The following FAM167A variants were observed in gnomAD, a reference collection of about 807,000 sequenced individuals.
The protein encoded by FAM167A is protein FAM167A.
Under a neutral mutation model 14.9 loss-of-function variants are expected in FAM167A, and 23 were observed. The observed-to-expected ratio is 1.55, with a 90% CI of 1.11 to 2.19. FAM167A has a LOEUF of 2.19. FAM167A is among the 30% of genes most tolerant of loss of function. FAM167A has a pLI of 0.00. For synonymous variants in FAM167A, 174 were observed against 117.7 expected (o/e 1.48, Z -3.10); for missense variants, 401 against 281.5 (o/e 1.42, Z -3.04).
rs552166333 is a variant in FAM167A, at chr8:11,447,489, G to C, written c.-397-2681C>G. 7.2e-5 allele frequency among the ~76,000 whole-genome samples: 11 copies of C among 152,372 alleles called. No homozygotes were observed. The South Asian group carries it at 2.3e-3, about 32-fold the overall frequency. ...CATTAGCCCCTGTGAACTGTGACCA[G>C]CTAGTGATGGTCCTCAGATCTGCTG... On this transcript the variant is annotated intron_variant, in intron 1 of 2. Coordinates refer to ENST00000284486, the MANE Select transcript of FAM167A (RefSeq NM_053279.3).
At chr8:11,446,660 C>A (rs1311849793) in intron 1 of FAM167A, 1 of 152,198 alleles carries the variant, frequency 6.6e-6, no homozygotes, top group African/African-American at 2.4e-5. Context: ...CTCCTATGTT[C>A]TAGCAGATTG....
chr8:11,430,786 C>T (rs114482625), intron 2 of FAM167A, among the ~76,000 whole-genome samples: 2,894 of 152,108 alleles, frequency 0.019, 85 homozygotes, highest in African/African-American at 0.066. Context: ...ACGGCCAAGG[C>T]GGCCCTGGAA....
Position 11,444,427 on chromosome 8 carries a change from G to T in FAM167A, c.-16C>A. 2 of 1,521,030 alleles carry T rather than the reference G, an allele frequency of 1.3e-6. No homozygotes were observed. The highest frequency in any genetic ancestry group is 4.6e-5 in the East Asian group (2 of 43,216). The allele number at this position is 1,521,030 out of a possible 1,614,324, so 94.2% of individuals were successfully genotyped here. A position where few individuals can be genotyped will look rare whatever the true frequency, so the allele number is the denominator to read the frequency against. ...GCACAGACATTCTACAGTCTGCCCT[G>T]GCAGCCGGACATGCGAGGGCACGGG... On this transcript the variant is annotated 5_prime_UTR_variant, in exon 2 of 3. Coordinates refer to ENST00000284486, the MANE Select transcript of FAM167A (RefSeq NM_053279.3).
intron 1 of FAM167A, chr8:11,474,739 G>C (rs1349979742): frequency 6.6e-6 from 1 of 152,028 alleles, no homozygotes; most frequent in East Asian, 1.9e-4. Context: ...AGCCCTCCTA[G>C]ACAAATGGCT....
chr8:11,436,350 C>T (rs949130040), intron 2 of FAM167A, among the ~76,000 whole-genome samples: 9 of 152,210 alleles, frequency 5.9e-5, no homozygotes, highest in Non-Finnish European at 8.8e-5. Flanking sequence ...TGGGGGCCCT[C>T]GTGAGGCCAA....
Position 11,464,591 on chromosome 8 carries a change from G to A in FAM167A, c.-398+2035C>T, listed in dbSNP as rs376437622. Among the ~76,000 whole-genome samples, 11 of 152,296 alleles carry A rather than the reference G, an allele frequency of 7.2e-5. No individual in the cohort carries two copies. In the South Asian group the frequency reaches 2.3e-3, roughly 32 times the overall value. ...AACAGCCAGCCAGGCTAATCCTAAG[G>A]GATTTCCAGTTAGTGGCACGTGCGT... On this transcript the variant is annotated intron_variant, in intron 1 of 2. Transcript: ENST00000284486.
intron 1 of FAM167A, among the ~76,000 whole-genome samples, chr8:11,458,322 C>T (rs567960343): frequency 6.6e-6 from 1 of 152,326 alleles, no homozygotes; most frequent in South Asian, 2.1e-4. Context: ...TCCCTTCACA[C>T]TTGGATCTGA....
At chr8:11,465,258 C>T (rs1014705251) in intron 1 of FAM167A, among the ~76,000 whole-genome samples, 6 of 152,158 alleles carry the variant, frequency 3.9e-5, no homozygotes, top group Admixed American at 2.0e-4. Flanking sequence ...GTGGTTTCTG[C>T]CCCTCTCTGG....
chr8:11,440,040 C>G (rs60320871), intron 2 of FAM167A, among the ~76,000 whole-genome samples: 21,607 of 152,206 alleles, frequency 0.14, 2,021 homozygotes, highest in Non-Finnish European at 0.21. Context: ...GCCCTCCCCC[C>G]ACTCCCACCC....
At position 11,438,425 on chromosome 8, in the gene FAM167A, T is replaced by C. The variant is rs1338691962; in HGVS notation, c.381+5606A>G. 8.8e-6 allele frequency: 4 copies of C among 453,202 alleles called. 1 individual carries two copies. Among genetic ancestry groups the C allele is most frequent in the South Asian group, 6.4e-5 (4 of 62,968 alleles). The allele number at this position is 453,202 out of a possible 1,614,324, so 28.1% of individuals were successfully genotyped here. A position where few individuals can be genotyped will look rare whatever the true frequency, so the allele number is the denominator to read the frequency against. On this transcript the variant is annotated intron_variant, in intron 2 of 2. Coordinates refer to ENST00000284486, the MANE Select transcript of FAM167A (RefSeq NM_053279.3). ...TGGGAGATTGAAGGCCTTACTTTTA[T>C]TTTATTCTAGGAGATTCTATGCTAC...
At chr8:11,437,423 C>T (rs969342658) in intron 2 of FAM167A, among the ~76,000 whole-genome samples, 7 of 152,202 alleles carry the variant, frequency 4.6e-5, no homozygotes, top group African/African-American at 1.2e-4. Context: ...CCCTGCTCAA[C>T]GCGCTGCCAA....
At chr8:11,424,690 C>G (rs1022034019) in intron 2 of FAM167A, 54 bp from the exon 3 acceptor site, 12 of 1,595,524 alleles carry the variant, frequency 7.5e-6, no homozygotes, top group African/African-American at 4.0e-5. Flanking sequence ...GAGTCCCTGA[C>G]AGGCACAGAC....
chr8:11,434,860 A>G lies in FAM167A; in HGVS notation c.381+9171T>C, dbSNP rs189054703. ...ATCTTGGAACTGAGGAGGTTCTGGA[A>G]GCTGTACACCCAAGGAAGACATTCT... is the stretch of plus-strand genomic sequence containing the variant. On this transcript the variant is annotated intron_variant, in intron 2 of 2. Transcript: ENST00000284486. The G allele has an allele frequency of 1.3e-4, 45 of 356,260 alleles. No individual in the cohort carries two copies. In the East Asian group the frequency reaches 3.3e-3, roughly 26 times the overall value. The allele number at this position is 356,260 out of a possible 1,614,324, so 22.1% of individuals were successfully genotyped here.
chr8:11,448,532 G>A (rs1806883518), intron 1 of FAM167A, among the ~76,000 whole-genome samples: 1 of 152,186 alleles, frequency 6.6e-6, no homozygotes, highest in Non-Finnish European at 1.5e-5. Context: ...GTTGGTCTCT[G>A]ACCTGCTGGG....
intron 2 of FAM167A, chr8:11,435,016 T>C (rs773296199): frequency 2.2e-6 from 1 of 456,706 alleles, no homozygotes; most frequent in South Asian, 1.5e-5. Context: ...CTGGGCCTCC[T>C]CCCTGCCTGC....
chr8:11,428,716 C>G (rs937766724), intron 2 of FAM167A, among the ~76,000 whole-genome samples: 1 of 152,240 alleles, frequency 6.6e-6, no homozygotes. Context: ...CCCCAAAGAA[C>G]AGGGTTTGTC....
At chr8:11,456,175 T>A (rs1374130764) in intron 1 of FAM167A, among the ~76,000 whole-genome samples, 1 of 2,720 alleles carries the variant, frequency 3.7e-4, no homozygotes, top group African/African-American at 1.7e-3. Context: ...TGCCTTGCTG[T>A]GTGTGTGTGT....
At chr8:11,466,025 C>T (rs935394796) in intron 1 of FAM167A, among the ~76,000 whole-genome samples, 5 of 152,148 alleles carry the variant, frequency 3.3e-5, no homozygotes, top group Non-Finnish European at 5.9e-5. Flanking sequence ...CCCTCCCCCC[C>T]GCCGTCTGTG....
chr8:11,438,581 T>G (rs1295178477), intron 2 of FAM167A: 3 of 438,450 alleles, frequency 6.8e-6, no homozygotes, highest in Non-Finnish European at 1.4e-5. Context: ...ATTCCTATTT[T>G]GGAAACTTCG....
Sources: gnomAD v4.1 joint callset for allele counts (sites outside exome capture counted in the v4.1 genomes callset) on GRCh38, gnomAD v4.1.1 for gene constraint, MANE v1.5 for transcripts, NCBI Gene and HGNC (gene_info 2026-07-23, HGNC 2026-07-21) for gene names.